MINDY4: variants seen among roughly 807,000 people sequenced by gnomAD.
MINDY4 encodes MINDY lysine 48 deubiquitinase 4, also known as probable ubiquitin carboxyl-terminal hydrolase MINDY-4.
A neutral mutation model predicts 87.0 loss-of-function variants in MINDY4; 68 were observed. The ratio of observed to expected loss-of-function variants is 0.78; its 90% confidence interval spans 0.64 to 0.96. The LOEUF (loss-of-function observed/expected upper bound fraction) is 0.96. Among genes scored for constraint, MINDY4 ranks in the 40% least tolerant of loss-of-function variants. The probability of loss-of-function intolerance (pLI) is 0.00; values close to 1 mark genes in which losing one functional copy is unlikely to be tolerated. For missense variants in MINDY4, 919 were observed against 928.2 expected, an observed-to-expected ratio of 0.99 and a Z score of 0.13; for synonymous variants, 379 against 363.2, an observed-to-expected ratio of 1.04 and a Z score of -0.50.
intron 6 of MINDY4, 45 bp from the exon 7 acceptor site, chr7:30,836,613 C>T (rs779642518): frequency 3.3e-5 from 49 of 1,464,712 alleles, no homozygotes; most frequent in Middle Eastern, 3.5e-4. Flanking sequence ...TTCTGTTCTC[C>T]GTGAGTCATA....
At chr7:30,790,917 G>A (rs1406505949) in intron 4 of MINDY4, among the ~76,000 whole-genome samples, 1 of 152,226 alleles carries the variant, frequency 6.6e-6, no homozygotes, top group Non-Finnish European at 1.5e-5. Context: ...CTCTGTAAGG[G>A]CTGCGAGAGA....
intron 13 of MINDY4, among the ~76,000 whole-genome samples, chr7:30,870,579 C>T (rs1288016859): frequency 6.6e-6 from 1 of 152,196 alleles, no homozygotes; most frequent in Non-Finnish European, 1.5e-5. Context: ...GGACCATAAA[C>T]CTTCCGTGTT....
At chr7:30,848,387 C>A (rs866615182) in intron 9 of MINDY4, among the ~76,000 whole-genome samples, 6 of 152,214 alleles carry the variant, frequency 3.9e-5, no homozygotes, top group African/African-American at 1.4e-4. Context: ...CTGGCCTGGG[C>A]CACACAGCAG....
intron 10 of MINDY4, among the ~76,000 whole-genome samples, chr7:30,851,749 C>T (rs1363842375): frequency 3.3e-5 from 5 of 152,318 alleles, no homozygotes; most frequent in East Asian, 3.9e-4. Flanking sequence ...TAAAGGAGCA[C>T]GGGGCCCCAA....
chr7:30,823,911 G>A (rs1231586644), intron 5 of MINDY4, among the ~76,000 whole-genome samples: 3 of 152,276 alleles, frequency 2.0e-5, no homozygotes, highest in Admixed American at 6.5e-5. Flanking sequence ...ATTTTACATT[G>A]CTTTGGTTAG....
intron 1 of MINDY4, 69 bp downstream of exon 1, chr7:30,771,625 G>C: frequency 2.0e-6 from 3 of 1,495,588 alleles, no homozygotes; most frequent in Non-Finnish European, 2.7e-6. Context: ...GGTCTCCCCT[G>C]AAGGCTTTGC....
chr7:30,809,118 T>C (rs968598472), intron 5 of MINDY4, among the ~76,000 whole-genome samples: 2 of 152,040 alleles, frequency 1.3e-5, no homozygotes, highest in Admixed American at 1.3e-4. Context: ...AACCTGTAAT[T>C]GATGATTGAA....
intron 6 of MINDY4, among the ~76,000 whole-genome samples, chr7:30,829,109 C>T (rs998195558): frequency 6.6e-6 from 1 of 152,172 alleles, no homozygotes; most frequent in Non-Finnish European, 1.5e-5. Context: ...GAAGGCCCGT[C>T]CTTTTTAAAA....
chr7:30,882,508 C>T (rs1423968009), intron 16 of MINDY4, 147 bp downstream of exon 16: 5 of 777,280 alleles, frequency 6.4e-6, no homozygotes, highest in Non-Finnish European at 7.9e-6. Context: ...ATCAGAGAGC[C>T]AATGCCAGCA....
chr7:30,857,096 A>C (rs1157090160), intron 12 of MINDY4, among the ~76,000 whole-genome samples: 1 of 152,198 alleles, frequency 6.6e-6, no homozygotes, highest in African/African-American at 2.4e-5. Context: ...CCTACTTCCA[A>C]AAAAAGACTG....
intron 5 of MINDY4, among the ~76,000 whole-genome samples, chr7:30,801,928 C>T (rs908298256): frequency 6.6e-6 from 1 of 152,154 alleles, no homozygotes; most frequent in Non-Finnish European, 1.5e-5. Context: ...CTGAGATCTC[C>T]CTTGGACCAC....
At chr7:30,795,416 C>T (rs1787458526) in intron 5 of MINDY4, among the ~76,000 whole-genome samples, 1 of 152,184 alleles carries the variant, frequency 6.6e-6, no homozygotes, top group African/African-American at 2.4e-5. Context: ...CAAATGTGTG[C>T]CCTGTCACAT....
At chr7:30,783,334 G>A (rs1422656676) in intron 3 of MINDY4, among the ~76,000 whole-genome samples, 1 of 152,008 alleles carries the variant, frequency 6.6e-6, no homozygotes, top group Non-Finnish European at 1.5e-5. Context: ...AAGGACCCCT[G>A]TGATTACATT....
chr7:30,803,339 G>A (rs543356038), intron 5 of MINDY4: 5 of 152,278 alleles, frequency 3.3e-5, no homozygotes, highest in African/African-American at 1.2e-4. Context: ...ATGGATTCTT[G>A]ACTTTGCTTG....
At chr7:30,797,237 T>A (rs558100087) in intron 5 of MINDY4, among the ~76,000 whole-genome samples, 4 of 152,290 alleles carry the variant, frequency 2.6e-5, no homozygotes, top group Admixed American at 2.6e-4. Context: ...ACAAAGCAGA[T>A]TGAGTCCCTG....
intron 9 of MINDY4, among the ~76,000 whole-genome samples, chr7:30,845,780 C>T (rs577379787): frequency 2.6e-5 from 4 of 152,328 alleles, no homozygotes; most frequent in South Asian, 4.1e-4. Context: ...AGGGAAGTCA[C>T]GCTGAAATAA....
intron 13 of MINDY4, among the ~76,000 whole-genome samples, chr7:30,861,246 C>T (rs915882508): frequency 6.6e-6 from 1 of 152,222 alleles, no homozygotes; most frequent in Non-Finnish European, 1.5e-5. Flanking sequence ...CTCCCCTTCC[C>T]CTCTCCTAAG....
intron 13 of MINDY4, among the ~76,000 whole-genome samples, chr7:30,866,953 C>T (rs991554852): frequency 3.3e-5 from 5 of 150,960 alleles, no homozygotes; most frequent in African/African-American, 9.9e-5. Context: ...TCCTAGCCCT[C>T]TCCTCTTACT....
chr7:30,815,293 C>G (rs1318842408), intron 5 of MINDY4, among the ~76,000 whole-genome samples: 1 of 152,232 alleles, frequency 6.6e-6, no homozygotes, highest in African/African-American at 2.4e-5. Context: ...GCAATCCTTT[C>G]CATCCTGGGC....
Sources: allele counts gnomAD v4.1 joint callset (sites outside exome capture counted in the v4.1 genomes callset), GRCh38; gene constraint gnomAD v4.1.1; transcripts MANE v1.5; gene names NCBI Gene and HGNC (gene_info 2026-07-23, HGNC 2026-07-21).